LRBA: variants seen among roughly 807,000 people sequenced by gnomAD.
LRBA encodes the protein lipopolysaccharide-responsive and beige-like anchor protein.
LRBA carries 176 observed loss-of-function variants against 330.0 expected under a neutral mutation model. That is an observed-to-expected ratio of 0.53 (90% CI 0.47 to 0.60). The LOEUF is 0.60. Ranked by LOEUF, LRBA falls within the 20% of genes least tolerant of loss-of-function variation. The probability of loss-of-function intolerance (pLI) is 0.00; values close to 1 mark genes in which losing one functional copy is unlikely to be tolerated. For synonymous variants in LRBA, 1,230 were observed against 1,193.0 expected (o/e 1.03, Z -0.64); for missense variants, 3,259 against 3,444.8 (o/e 0.95, Z 1.35).
rs780795296 is a variant in LRBA, at chr4:150,852,622, C to G, written c.3088G>C (p.Asp1030His). Residue 1030 changes from aspartate to histidine, a missense_variant, in exon 23 of 57, where the codon GAT (aspartate) becomes CAT (histidine). By Grantham distance (81) the Asp-to-His change is moderately conservative (BLOSUM62 -1). Transcript: ENST00000651943. ...AGTGTTTCTTCCAAAGTGCCTTCATCTGGTAACTCCTGATTTTCTTGCTCA... is the reference window on the plus strand; with the variant it reads ...AGTGTTTCTTCCAAAGTGCCTTCATGTGGTAACTCCTGATTTTCTTGCTCA... ...KAEQENQELP[D>H]EGTLEETLTN... 6.2e-6 allele frequency: 10 copies of G among 1,614,048 alleles called. No individual in the cohort carries two copies. The highest frequency in any genetic ancestry group is 1.7e-4 in the Middle Eastern group (1 of 6,060).
chr4:150,552,302 A>G (rs1766711438), intron 40 of LRBA, among the ~76,000 whole-genome samples: 1 of 152,188 alleles, frequency 6.6e-6, no homozygotes, highest in African/African-American at 2.4e-5. Flanking sequence ...TTTCATACCA[A>G]TAACCATATC....
At chr4:150,620,605 C>G (rs962287128) in intron 37 of LRBA, among the ~76,000 whole-genome samples, 6 of 152,096 alleles carry the variant, frequency 3.9e-5, no homozygotes, top group Admixed American at 1.3e-4. Context: ...TATGTATACA[C>G]CATGGAATAC....
chr4:150,880,787 G>A (rs528443484), intron 17 of LRBA, among the ~76,000 whole-genome samples: 2 of 152,140 alleles, frequency 1.3e-5, no homozygotes, highest in Admixed American at 6.5e-5. Flanking sequence ...CTGACAAACT[G>A]TGCATTTGAC....
At chr4:150,573,832 G>C (rs1242346333) in intron 40 of LRBA, among the ~76,000 whole-genome samples, 2 of 152,226 alleles carry the variant, frequency 1.3e-5, no homozygotes, top group Admixed American at 6.5e-5. Context: ...ACTTTCCTTT[G>C]TTTAGTGACT....
Position 150,310,255 on chromosome 4 carries a change from C to T in LRBA, c.7823G>A (p.Ser2608Asn). 6.2e-7 allele frequency: 1 copy of T among 1,612,440 alleles called. No individual in the cohort carries two copies. The highest frequency in any genetic ancestry group is 8.5e-7 in the Non-Finnish European group (1 of 1,178,732). The change falls in exon 52 of 57, where the codon AGT (serine) becomes AAT (asparagine). Residue 2608 changes from serine (S) to asparagine (N), a missense_variant. Physicochemically the swap from Ser to Asn is conservative, Grantham distance 46 (BLOSUM62 1). Coordinates refer to ENST00000651943, the MANE Select transcript of LRBA (RefSeq NM_001364905.1). ...YILVCGFWDK[S>N]FRVYSTDTGR... ...TGTGTCTGTAGAATAGACTCTGAAA[C>T]TTTTATCCCAGAAGCCACAGACGAG...
chr4:150,319,076 G>A (rs1732117480), intron 50 of LRBA, among the ~76,000 whole-genome samples: 1 of 152,178 alleles, frequency 6.6e-6, no homozygotes, highest in African/African-American at 2.4e-5. Flanking sequence ...AAAGGTGAAA[G>A]CCAGAAGCTT....
chr4:150,372,762 T>TTTTTTTTTTTTTTTTTTTTTGAGACGG, intron 47 of LRBA, among the ~76,000 whole-genome samples: 1 of 144,200 alleles, frequency 6.9e-6, no homozygotes. Flanking sequence ...AGTAAGTTCT[T>TTTTTTTTTTTTTTTTTTTTTGAGACGG]ACTAGATATT....
chr4:150,980,690 G>C (rs574439066), intron 2 of LRBA, among the ~76,000 whole-genome samples: 60 of 152,176 alleles, frequency 3.9e-4, no homozygotes, highest in African/African-American at 1.3e-3. Flanking sequence ...AAAGGAAGAA[G>C]TTAAATTTCC....
chr4:150,912,340 A>T (rs1732097668), intron 9 of LRBA, among the ~76,000 whole-genome samples: 2 of 152,184 alleles, frequency 1.3e-5, no homozygotes, highest in Admixed American at 6.5e-5. Context: ...TTTTTATAGA[A>T]GGGTGAACCC....
chr4:150,400,042 A>G (rs910856965), intron 47 of LRBA, among the ~76,000 whole-genome samples: 2 of 152,198 alleles, frequency 1.3e-5, no homozygotes, highest in South Asian at 4.1e-4. Flanking sequence ...TTTTGTAGGC[A>G]AAGGAAACAG....
chr4:150,981,070 A>G (rs1251350369), intron 2 of LRBA, among the ~76,000 whole-genome samples: 2 of 152,058 alleles, frequency 1.3e-5, no homozygotes, highest in African/African-American at 2.4e-5. Flanking sequence ...TACAGATTCA[A>G]TGCAATCCCT....
chr4:150,991,358 G>A (rs184633690), intron 2 of LRBA, among the ~76,000 whole-genome samples: 3 of 152,264 alleles, frequency 2.0e-5, no homozygotes, highest in Admixed American at 1.3e-4. Flanking sequence ...ATTCACCCAG[G>A]AGAAAGGAAA....
intron 13 of LRBA, among the ~76,000 whole-genome samples, chr4:150,901,538 G>T (rs983737487): frequency 1.3e-5 from 2 of 151,982 alleles, no homozygotes; most frequent in African/African-American, 4.8e-5. Context: ...TACCTTCCTG[G>T]ACAATGAGGG....
At chr4:150,390,855 C>T (rs12512600) in intron 47 of LRBA, among the ~76,000 whole-genome samples, 132,535 of 152,184 alleles carry the variant, frequency 0.87, 58,579 homozygotes, top group Non-Finnish European at 0.96. Flanking sequence ...ACCTCTCAAG[C>T]TGAAATCAGA....
At chr4:150,876,246 T>C (rs1161590310) in intron 17 of LRBA, among the ~76,000 whole-genome samples, 2 of 152,198 alleles carry the variant, frequency 1.3e-5, no homozygotes, top group East Asian at 1.9e-4. Context: ...GCCAAACCTA[T>C]AAATTACTGG....
At chr4:150,294,976 T>A (rs1167979420) in intron 53 of LRBA, among the ~76,000 whole-genome samples, 2 of 151,888 alleles carry the variant, frequency 1.3e-5, no homozygotes, top group Non-Finnish European at 2.9e-5. Flanking sequence ...GTAGTAGTAG[T>A]AGCAACAGAA....
chr4:150,533,172 T>C (rs1764230832), intron 40 of LRBA, among the ~76,000 whole-genome samples: 1 of 151,982 alleles, frequency 6.6e-6, no homozygotes, highest in Admixed American at 6.6e-5. Context: ...TAAACCCATC[T>C]TTTTTTGTTT....
rs575820859 is a variant in LRBA, at chr4:150,465,725, T to C, written c.6780+1948A>G. On this transcript the variant is annotated intron_variant, in intron 44 of 56. Transcript: ENST00000651943. ...GAGTTTTAGGAGTCTCTACAAATTC[T>C]TGATATTAATCCCTTATTAGACATG... 2.6e-5 allele frequency among the ~76,000 whole-genome samples: 4 copies of C among 152,260 alleles called. No homozygotes were observed. In the East Asian group the frequency reaches 7.7e-4, roughly 29 times the overall value.
At chr4:150,485,158 G>C (rs983855448) in intron 42 of LRBA, among the ~76,000 whole-genome samples, 6 of 151,896 alleles carry the variant, frequency 4.0e-5, no homozygotes, top group African/African-American at 1.5e-4. Context: ...TAATGTTCCA[G>C]TCTTCAGTAT....
Sources: gnomAD v4.1 joint callset for allele counts (sites outside exome capture counted in the v4.1 genomes callset) on GRCh38, gnomAD v4.1.1 for gene constraint, MANE v1.5 for transcripts, NCBI Gene and HGNC (gene_info 2026-07-23, HGNC 2026-07-21) for gene names.